The following UBAP2 variants were observed in gnomAD, a reference collection of about 807,000 sequenced individuals.
UBAP2 encodes ubiquitin-associated protein 2.
Under a neutral mutation model 139.6 loss-of-function variants are expected in UBAP2, and 75 were observed. That is an observed-to-expected ratio of 0.54 (90% CI 0.45 to 0.65). The LOEUF (loss-of-function observed/expected upper bound fraction) is 0.65. Ranked by LOEUF, UBAP2 falls within the 30% of genes least tolerant of loss-of-function variation. UBAP2 has a pLI of 0.00. For synonymous variants in UBAP2, 526 were observed against 526.2 expected, an observed-to-expected ratio of 1.00 and a Z score of 0.01; for missense variants, 1,368 against 1,369.6, an observed-to-expected ratio of 1.00 and a Z score of 0.02.
chr9:34,000,833 C>T (rs567497594), intron 2 of UBAP2, among the ~76,000 whole-genome samples: 1 of 152,322 alleles, frequency 6.6e-6, no homozygotes, highest in African/African-American at 2.4e-5. Flanking sequence ...GGTGCTTTGG[C>T]CTGTTCATCC....
chr9:34,032,357 T>G (rs757410949), intron 1 of UBAP2, among the ~76,000 whole-genome samples: 1 of 152,304 alleles, frequency 6.6e-6, no homozygotes, highest in South Asian at 2.1e-4. Context: ...GGCATATTTC[T>G]GTCTTTATAC....
rs546941032 is a variant in UBAP2 at position 34,046,476 on chromosome 9, T to C, written c.-42+2349A>G. On this transcript the variant is annotated intron_variant, in intron 1 of 28. Transcript: ENST00000379238. ...GGCTAACACAGTGAAACCCCATCTC[T>C]ACTGAAAAATACAAAAAATTAGCCG... Among the ~76,000 whole-genome samples, 25 of 151,692 alleles carry C rather than the reference T, an allele frequency of 1.6e-4. 1 individual carries two copies. Among genetic ancestry groups the C allele is most frequent in the African/African-American group, 5.8e-4 (24 of 41,370 alleles).
intron 3 of UBAP2, chr9:33,998,380 AGAGT>A (rs1224664633): frequency 6.2e-6 from 1 of 160,652 alleles, no homozygotes; most frequent in African/African-American, 2.4e-5. Flanking sequence ...CCTGGGCAAC[AGAGT>A]GAGACCACGT....
intron 3 of UBAP2, chr9:33,997,108 T>C (rs1202308058): frequency 6.6e-6 from 1 of 152,136 alleles, no homozygotes; most frequent in Non-Finnish European, 1.5e-5. Context: ...GTCTTACAAG[T>C]GGAATTCTGC....
intron 8 of UBAP2, among the ~76,000 whole-genome samples, chr9:33,966,206 G>A (rs1316588660): frequency 6.6e-6 from 1 of 151,836 alleles, no homozygotes; most frequent in Non-Finnish European, 1.5e-5. Flanking sequence ...TCACCACTTT[G>A]GGAGGCTGAG....
At chr9:34,044,090 CAAA>C (rs74180528) in intron 1 of UBAP2, among the ~76,000 whole-genome samples, 108 of 85,134 alleles carry the variant, frequency 1.3e-3, no homozygotes, top group African/African-American at 2.4e-3. Flanking sequence ...AACTCCACCT[CAAA>C]AAAAAAAAAA....
intron 22 of UBAP2, 53 bp downstream of exon 22, chr9:33,926,564 G>GAC: frequency 6.3e-7 from 1 of 1,596,712 alleles, no homozygotes; most frequent in Non-Finnish European, 8.6e-7. Context: ...TAAGAGGGGG[G>GAC]ACATGTAAAA....
At chr9:34,012,611 G>A (rs913922910) in intron 2 of UBAP2, among the ~76,000 whole-genome samples, 1 of 151,110 alleles carries the variant, frequency 6.6e-6, no homozygotes, top group Non-Finnish European at 1.5e-5. Flanking sequence ...TAATTGTACT[G>A]TAATTATGTA....
At chr9:34,016,934 C>T (rs1824406907) in intron 2 of UBAP2, 116 bp downstream of exon 2, 2 of 723,344 alleles carry the variant, frequency 2.8e-6, no homozygotes, top group Non-Finnish European at 4.4e-6. Flanking sequence ...TATGCTCTCC[C>T]TTAATTTCCT....
chr9:33,979,553 C>A (rs919842480), intron 6 of UBAP2, among the ~76,000 whole-genome samples: 2 of 148,988 alleles, frequency 1.3e-5, no homozygotes, highest in African/African-American at 5.0e-5. Context: ...CCAGCCAGGG[C>A]AACAAGAGAG....
In UBAP2 at chr9:33,948,377, G is replaced by T. The variant is rs1401891697; in HGVS notation, c.1267C>A (p.Leu423Ile). Residue 423 changes from leucine to isoleucine, a missense_variant, in exon 13 of 29, where the codon CTT becomes ATT. Leu to Ile is a conservative substitution (Grantham distance 5). Transcript: ENST00000379238. ...CCCACAAACAATGTATACCTACCAA[G>T]ATGACTGAGGACTGAGGACTGGGAT... is the stretch of plus-strand genomic sequence containing the variant. Reference protein sequence around the residue: ...PTSQSSVLSHLDFKSQPEPSP... With the variant: ...PTSQSSVLSHIDFKSQPEPSP... 3 of 1,606,636 alleles carry T rather than the reference G, an allele frequency of 1.9e-6. No homozygotes were observed. The South Asian group carries it at 3.3e-5, about 18-fold the overall frequency.
Position 33,933,573 on chromosome 9 carries a change from G to T in UBAP2, c.2025C>A (p.Ser675Arg). 1 of 1,614,062 alleles carries T rather than the reference G, an allele frequency of 6.2e-7. No individual in the cohort carries two copies. The highest frequency in any genetic ancestry group is 8.5e-7 in the Non-Finnish European group (1 of 1,180,010). Residue 675 changes from serine (S) to arginine (R), a missense_variant, in exon 18 of 29, where the codon AGC becomes AGA. By Grantham distance (110) the Ser-to-Arg change is moderately radical. Coordinates refer to ENST00000379238, the MANE Select transcript of UBAP2 (RefSeq NM_001370062.2). Reference protein sequence around the residue: ...SALPSVSSLPSTTSCTALLPS... With the variant: ...SALPSVSSLPRTTSCTALLPS... Reference sequence around the variant, plus strand: ...GCAGAAGTGCAGTGCAGGAGGTGGTGCTGGGCAGGGAGCTCACAGACGGGA... The same window carrying T: ...GCAGAAGTGCAGTGCAGGAGGTGGTTCTGGGCAGGGAGCTCACAGACGGGA...
rs1476594905 is a variant in UBAP2 at position 33,981,188 on chromosome 9, TATATATATATATTCTGG to T, written c.520+5555_520+5571del. Among the ~76,000 whole-genome samples, 17 of 46,576 alleles carry T rather than the reference TATATATATATATTCTGG, an allele frequency of 3.6e-4. 1 individual carries two copies. The highest frequency in any genetic ancestry group is 5.0e-4 in the African/African-American group (8 of 16,064). 30.6% of individuals were successfully genotyped at this position (46,576 alleles called of 152,430 possible). On this transcript the variant is annotated intron_variant, in intron 6 of 28. Transcript: ENST00000379238. ...GATATATATATATATATTCTGGATATATATATATATATTCTGGATATATATATATATATTCTGGATAT... is the reference window on the plus strand; with the variant it reads ...GATATATATATATATATTCTGGATATATATATATATATATATTCTGGATAT...
intron 5 of UBAP2, among the ~76,000 whole-genome samples, chr9:33,988,274 A>G (rs987837790): frequency 6.6e-6 from 1 of 152,216 alleles, no homozygotes; most frequent in African/African-American, 2.4e-5. Flanking sequence ...AGTATCCACT[A>G]CATAGTAGAT....
chr9:33,951,006 TTGC>T (rs1470712502), intron 12 of UBAP2, among the ~76,000 whole-genome samples: 6 of 152,234 alleles, frequency 3.9e-5, no homozygotes, highest in Admixed American at 2.0e-4. Flanking sequence ...ATCACTTCTG[TTGC>T]TGCTGTTATT....
At chr9:34,007,696 T>C (rs1405393482) in intron 2 of UBAP2, among the ~76,000 whole-genome samples, 1 of 150,972 alleles carries the variant, frequency 6.6e-6, no homozygotes, top group East Asian at 1.9e-4. Context: ...TGGAGTGCAG[T>C]GGAGTGATCT....
intron 13 of UBAP2, among the ~76,000 whole-genome samples, chr9:33,945,756 A>G (rs909240472): frequency 6.6e-6 from 1 of 152,196 alleles, no homozygotes; most frequent in Non-Finnish European, 1.5e-5. Flanking sequence ...ATGTTCAAAG[A>G]GCTACTTCAT....
chr9:33,947,544 G>A (rs905271709), intron 13 of UBAP2, among the ~76,000 whole-genome samples: 1 of 152,122 alleles, frequency 6.6e-6, no homozygotes, highest in Non-Finnish European at 1.5e-5. Context: ...TGTCCAGGCC[G>A]GGCGTGGTGG....
At chr9:34,042,359 T>G (rs559761680) in intron 1 of UBAP2, among the ~76,000 whole-genome samples, 26 of 151,152 alleles carry the variant, frequency 1.7e-4, no homozygotes, top group African/African-American at 6.3e-4. Flanking sequence ...GCACCTATAA[T>G]CCGAGCTACT....
Sources: gnomAD v4.1 joint callset for allele counts (sites outside exome capture counted in the v4.1 genomes callset) on GRCh38, gnomAD v4.1.1 for gene constraint, MANE v1.5 for transcripts, NCBI Gene and HGNC (gene_info 2026-07-23, HGNC 2026-07-21) for gene names.